Variants in AKAP9 observed in about 807,000 individuals in gnomAD.
The protein encoded by AKAP9 is A-kinase anchor protein 9.
A neutral mutation model predicts 488.5 loss-of-function variants in AKAP9; 311 were observed. The observed-to-expected ratio is 0.64, with a 90% CI of 0.58 to 0.70. The LOEUF (loss-of-function observed/expected upper bound fraction) is 0.70, where lower values mean the gene tolerates loss of function less well. Ranked by LOEUF, AKAP9 falls within the 30% of genes least tolerant of loss-of-function variation. AKAP9 has a pLI of 0.00. For missense variants in AKAP9, 4,215 were observed against 4,374.5 expected (o/e 0.96, Z 1.03); for synonymous variants, 1,462 against 1,483.5 (o/e 0.99, Z 0.33).
chr7:91,957,577 A>T (rs1477941402), intron 1 of AKAP9, among the ~76,000 whole-genome samples: 1 of 152,222 alleles, frequency 6.6e-6, no homozygotes, highest in African/African-American at 2.4e-5. Context: ...AATGTATCAT[A>T]AACAACCCTT....
chr7:92,017,226 G>T, intron 12 of AKAP9, 124 bp downstream of exon 12: 1 of 763,122 alleles, frequency 1.3e-6, no homozygotes. Context: ...ATTGGGAAAA[G>T]TGACATATAT....
chr7:92,023,081 G>C (rs1435973181), intron 14 of AKAP9, 72 bp downstream of exon 14: 1 of 1,522,690 alleles, frequency 6.6e-7, no homozygotes, highest in Non-Finnish European at 9.1e-7. Context: ...ATCCAGAATG[G>C]TTATTTAAAA....
intron 28 of AKAP9, among the ~76,000 whole-genome samples, chr7:92,073,766 C>G (rs1235767413): frequency 6.6e-6 from 1 of 152,140 alleles, no homozygotes; most frequent in Non-Finnish European, 1.5e-5. Context: ...TGAACTTCAG[C>G]TACTTAGAAT....
At chr7:91,956,136 C>T (rs1792959954) in intron 1 of AKAP9, among the ~76,000 whole-genome samples, 1 of 151,754 alleles carries the variant, frequency 6.6e-6, no homozygotes, top group Admixed American at 6.6e-5. Context: ...CGCGGTGGCT[C>T]ACGTCTGTGG....
chr7:91,941,502 A>G (rs565049344), intron 1 of AKAP9, among the ~76,000 whole-genome samples: 23 of 152,192 alleles, frequency 1.5e-4, no homozygotes, highest in African/African-American at 5.5e-4. Flanking sequence ...TGGTGCAGGC[A>G]TTGTGCTTTC....
intron 10 of AKAP9, among the ~76,000 whole-genome samples, chr7:92,015,888 G>GA (rs936481259): frequency 2.0e-5 from 3 of 152,118 alleles, no homozygotes; most frequent in African/African-American, 4.8e-5. Context: ...TAAGGAAGCA[G>GA]AAAAAATTAT....
rs554567351 is a variant in AKAP9, at chr7:91,943,962, T to G, written c.48+2815T>G. 3.3e-5 allele frequency among the ~76,000 whole-genome samples: 5 copies of G among 152,320 alleles called. No homozygotes were observed. The East Asian group carries it at 9.6e-4, about 29-fold the overall frequency. ...GCAAACCACAACTTACAAATCTTTTTGGGGGTAATTTATTGATAAACAGTT... is the reference window on the plus strand; with the variant it reads ...GCAAACCACAACTTACAAATCTTTTGGGGGGTAATTTATTGATAAACAGTT... On this transcript the variant is annotated intron_variant, in intron 1 of 49. Transcript: ENST00000356239.
At chr7:92,024,719 TTTC>T (rs1453797165) in intron 14 of AKAP9, among the ~76,000 whole-genome samples, 1 of 152,120 alleles carries the variant, frequency 6.6e-6, no homozygotes, top group Non-Finnish European at 1.5e-5. Flanking sequence ...CCCTCAGAGA[TTTC>T]TTCTAACTGT....
intron 3 of AKAP9, among the ~76,000 whole-genome samples, chr7:91,989,932 C>A (rs548555625): frequency 6.6e-6 from 1 of 152,138 alleles, no homozygotes; most frequent in South Asian, 2.1e-4. Flanking sequence ...ATTTTATAGT[C>A]ACATAGTGAA....
chr7:92,011,378 G>A (rs1320652304), intron 8 of AKAP9, among the ~76,000 whole-genome samples: 1 of 152,140 alleles, frequency 6.6e-6, no homozygotes, highest in Non-Finnish European at 1.5e-5. Context: ...AGCATGTAAA[G>A]ACCTCACTAT....
chr7:92,078,141 C>T (rs1281055034), intron 30 of AKAP9, among the ~76,000 whole-genome samples: 2 of 151,980 alleles, frequency 1.3e-5, no homozygotes, highest in African/African-American at 4.8e-5. Flanking sequence ...GGATTACAGG[C>T]ACCCACCATC....
rs1308876253 is a variant in AKAP9 at position 92,097,173 on chromosome 7, T to C, written c.10214T>C (p.Met3405Thr). 13 of 1,613,692 alleles carry C rather than the reference T, an allele frequency of 8.1e-6. No individual in the cohort carries two copies. The highest frequency in any genetic ancestry group is 1.1e-5 in the Non-Finnish European group (13 of 1,179,952). The change falls in exon 41 of 50, where the codon ATG becomes ACG. Residue 3405 changes from methionine (M) to threonine (T), a missense_variant. Transcript: ENST00000356239. The part of the protein sequence containing the change: ...QEANTEGQKK[M>T]HELQSKVEDL... ...GCCAACACTGAGGGACAGAAAAAAA[T>C]GCATGAGCTCCAGTCCAAAGTGGAA...
At position 92,026,670 on chromosome 7, in the gene AKAP9, C is replaced by G. The variant is rs188527788; in HGVS notation, c.4149-3225C>G. Among the ~76,000 whole-genome samples, 9 of 152,364 alleles carry G rather than the reference C, an allele frequency of 5.9e-5. No homozygotes were observed. The South Asian group carries it at 8.3e-4, about 14-fold the overall frequency. On this transcript the variant is annotated intron_variant, in intron 14 of 49. Transcript: ENST00000356239. The stretch of plus-strand genomic sequence containing the variant: ...CCCAGGCTGGAGTGCGTGGCGTGAT[C>G]TCAGCTCGCTACAACCTCCACCTCC...
intron 22 of AKAP9, among the ~76,000 whole-genome samples, chr7:92,053,553 C>T (rs1248824957): frequency 1.3e-5 from 2 of 152,156 alleles, no homozygotes; most frequent in African/African-American, 4.8e-5. Flanking sequence ...GCCAAGACCA[C>T]AGCTCATAGC....
intron 23 of AKAP9, 68 bp from the exon 24 acceptor site, chr7:92,062,206 A>C (rs893450700): frequency 1.4e-6 from 2 of 1,384,838 alleles, no homozygotes; most frequent in African/African-American, 2.9e-5. Context: ...TTTGTTGTTT[A>C]TATTAAAACC....
intron 3 of AKAP9, among the ~76,000 whole-genome samples, chr7:91,982,544 G>T (rs1796566381): frequency 6.6e-6 from 1 of 152,112 alleles, no homozygotes; most frequent in Non-Finnish European, 1.5e-5. Flanking sequence ...TGGCTGCATA[G>T]TATTCCATGA....
At chr7:92,054,726 T>C (rs1808497054) in intron 22 of AKAP9, among the ~76,000 whole-genome samples, 1 of 152,062 alleles carries the variant, frequency 6.6e-6, no homozygotes, top group African/African-American at 2.4e-5. Flanking sequence ...TTATAGTACA[T>C]TTATTACAAC....
At chr7:91,971,816 G>A (rs1017650263) in intron 1 of AKAP9, among the ~76,000 whole-genome samples, 49 of 151,198 alleles carry the variant, frequency 3.2e-4, no homozygotes, top group African/African-American at 1.1e-3. Context: ...TGATCCTCCC[G>A]CCTCGGCTTC....
intron 14 of AKAP9, among the ~76,000 whole-genome samples, chr7:92,025,417 C>G (rs1197458112): frequency 1.3e-5 from 2 of 152,196 alleles, no homozygotes; most frequent in Non-Finnish European, 1.5e-5. Context: ...AAGAGTTTTA[C>G]TCACCACCGT....
Sources: allele counts gnomAD v4.1 joint callset (sites outside exome capture counted in the v4.1 genomes callset), GRCh38; gene constraint gnomAD v4.1.1; transcripts MANE v1.5; gene names NCBI Gene and HGNC (gene_info 2026-07-23, HGNC 2026-07-21).